The following STAG3 variants were observed in gnomAD, a reference collection of about 807,000 sequenced individuals.
STAG3 encodes the protein cohesin subunit SA-3.
A neutral mutation model predicts 160.7 loss-of-function variants in STAG3; 101 were observed. The ratio of observed to expected loss-of-function variants is 0.63; its 90% confidence interval spans 0.54 to 0.74. The LOEUF (loss-of-function observed/expected upper bound fraction) is 0.74, where lower values mean the gene tolerates loss of function less well. Ranked by LOEUF, STAG3 falls within the 30% of genes least tolerant of loss-of-function variation. The pLI is 0.00. For synonymous variants in STAG3, 519 were observed against 585.0 expected (o/e 0.89, Z 1.63); for missense variants, 1,188 against 1,517.4 (o/e 0.78, Z 3.61).
At chr7:100,216,576 A>C (rs929556941), downstream of STAG3, among the ~76,000 whole-genome samples, 1 of 152,072 alleles carries the variant, frequency 6.6e-6, no homozygotes, top group African/African-American at 2.4e-5. Context: ...CAAGGCGGGC[A>C]GATCACGAGG....
chr7:100,201,060 A>T, intron 19 of STAG3, 30 bp from the exon 20 acceptor site: 1 of 1,614,124 alleles, frequency 6.2e-7, no homozygotes, highest in Non-Finnish European at 8.5e-7. Flanking sequence ...TCTGGGGGAA[A>T]TGCTATTGTG....
chr7:100,185,117 C>T (rs1799911122), intron 4 of STAG3, among the ~76,000 whole-genome samples: 1 of 151,998 alleles, frequency 6.6e-6, no homozygotes, highest in African/African-American at 2.4e-5. Flanking sequence ...CGGCTCCCTG[C>T]TGGTTTGACC....
downstream of STAG3, among the ~76,000 whole-genome samples, chr7:100,215,697 T>C (rs2117627778): frequency 6.6e-6 from 1 of 152,272 alleles, no homozygotes; most frequent in African/African-American, 2.4e-5. Context: ...GGCAGCCCAG[T>C]GCACTGGGTT....
chr7:100,182,144 T>G lies in STAG3; in HGVS notation c.171T>G (p.Asn57Lys). 4 of 1,613,420 alleles carry G rather than the reference T, an allele frequency of 2.5e-6. No individual in the cohort carries two copies. Among genetic ancestry groups the G allele is most frequent in the Non-Finnish European group, 3.4e-6 (4 of 1,179,848 alleles). ...ACACTGACTTTGAAGACAGCTTGAA[T>G]CGCAATGTGAAGAAGAGAGCAGCAA... ...DEDTDFEDSLNRNVKKRAAKR... is the reference protein window; with the variant it reads ...DEDTDFEDSLKRNVKKRAAKR... The change falls in exon 3 of 34, where the codon AAT becomes AAG. Residue 57 changes from asparagine to lysine, a missense_variant. Physicochemically the swap from Asn to Lys is moderately conservative, Grantham distance 94. Transcript: ENST00000615138.
At chr7:100,184,526 G>A (rs1249081018) in intron 4 of STAG3, among the ~76,000 whole-genome samples, 2 of 132,048 alleles carry the variant, frequency 1.5e-5, no homozygotes, top group East Asian at 2.6e-4. Flanking sequence ...GGAGTGCAGT[G>A]ACGTGATCTT....
chr7:100,202,682 T>G, intron 25 of STAG3, 92 bp downstream of exon 25: 1 of 1,490,684 alleles, frequency 6.7e-7, no homozygotes, highest in Non-Finnish European at 9.0e-7. Context: ...GTGGGGGATA[T>G]CCAATGGTTT....
At chr7:100,198,658 A>G in intron 13 of STAG3, 76 bp downstream of exon 13, 2 of 1,425,772 alleles carry the variant, frequency 1.4e-6, no homozygotes, top group Admixed American at 3.5e-5. Flanking sequence ...TGCCCTACCT[A>G]AGGCTTCCCC....
At chr7:100,212,165 A>G (rs1436468345) in intron 32 of STAG3, 12 of 303,926 alleles carry the variant, frequency 3.9e-5, no homozygotes, top group Non-Finnish European at 7.4e-5. Flanking sequence ...AATTGGAAGG[A>G]GTCCTAATGC....
intron 4 of STAG3, among the ~76,000 whole-genome samples, chr7:100,184,250 A>G (rs1799831949): frequency 6.6e-6 from 1 of 151,322 alleles, no homozygotes; most frequent in East Asian, 1.9e-4. Context: ...TGGATGACAG[A>G]GTGAGACTCT....
At chr7:100,201,731 C>CT (rs1285599450) in intron 21 of STAG3, 55 bp from the exon 22 acceptor site, 2 of 1,480,510 alleles carry the variant, frequency 1.4e-6, no homozygotes, top group Non-Finnish European at 1.9e-6. Context: ...TTCTGGCTAT[C>CT]TGTCTCTCCC....
At chr7:100,179,246 T>C (rs1189222668) in intron 1 of STAG3, among the ~76,000 whole-genome samples, 2 of 151,118 alleles carry the variant, frequency 1.3e-5, no homozygotes, top group Non-Finnish European at 2.9e-5. Context: ...CCCTGGTGTG[T>C]ACCTTGCTTG....
chr7:100,188,773 G>A (rs1216846709), intron 6 of STAG3, 39 bp from the exon 7 acceptor site: 1 of 1,604,936 alleles, frequency 6.2e-7, no homozygotes, highest in South Asian at 1.1e-5. Flanking sequence ...CATGGACCTG[G>A]TAATAACTTT....
chr7:100,200,532 G>A lies in STAG3; in HGVS notation c.1850G>A (p.Arg617His), dbSNP rs753967260. ...CFDLHIYCTG[R>H]LEKHLELFLQ... is the part of the protein sequence containing the mutation. ...GACCTCCACATCTACTGCACTGGGC[G>A]CTTGGAGAAGGTAGGGAGATAGATT... Residue 617 changes from arginine to histidine, a missense_variant, in exon 18 of 34, where the codon CGC becomes CAC. This residue lies in a region of STAG3 where 240 missense variants were observed against 358.1 expected (regional missense o/e 0.67). Coordinates refer to ENST00000615138, the MANE Select transcript of STAG3 (RefSeq NM_001282717.2). The A allele has an allele frequency of 6.2e-7, 1 of 1,614,004 alleles. No individual in the cohort carries two copies. Among genetic ancestry groups the A allele is most frequent in the Non-Finnish European group, 8.5e-7 (1 of 1,180,026 alleles).
At chr7:100,185,533 T>G (rs1799937554) in intron 4 of STAG3, among the ~76,000 whole-genome samples, 1 of 135,222 alleles carries the variant, frequency 7.4e-6, no homozygotes, top group African/African-American at 2.8e-5. Flanking sequence ...ACGTGGGAGG[T>G]GGAGGTTGTA....
chr7:100,188,865 G>C lies in STAG3; in HGVS notation c.564G>C (p.Gln188His). The C allele has an allele frequency of 6.2e-7, 1 of 1,614,130 alleles. No individual in the cohort carries two copies. The highest frequency in any genetic ancestry group is 8.5e-7 in the Non-Finnish European group (1 of 1,180,018). Residue 188 changes from glutamine (Q) to histidine (H), a missense_variant, in exon 7 of 34, where the codon CAG (glutamine) becomes CAC (histidine). Physicochemically the swap from Gln to His is conservative, Grantham distance 24 (BLOSUM62 0). Transcript: ENST00000615138. The part of the protein sequence containing the change: ...IAPGPSWKKF[Q>H]GSFCEFVRTL... ...CAGGTCCATCCTGGAAGAAGTTCCA[G>C]GGCAGCTTCTGTGAATTTGTGAGGA...
At chr7:100,218,104 G>A (rs896565890), downstream of STAG3, 1 of 149,784 alleles carries the variant, frequency 6.7e-6, no homozygotes, top group African/African-American at 2.4e-5. Context: ...CTAAGTAACG[G>A]GTGCCTTCCC....
rs1209106992 is a variant in STAG3, at chr7:100,198,839, C to A, written c.1353-4C>A. 6.2e-7 allele frequency: 1 copy of A among 1,611,308 alleles called. No individual in the cohort carries two copies. The highest frequency in any genetic ancestry group is 8.5e-7 in the Non-Finnish European group (1 of 1,179,294). On this transcript the variant is annotated splice_region_variant and splice_polypyrimidine_tract_variant and intron_variant, in intron 13 of 33. Coordinates refer to ENST00000615138, the MANE Select transcript of STAG3 (RefSeq NM_001282717.2). ...GAGCCCTTTCCTCGTGTCCATTCCA[C>A]CAGACTCTTCTACCCTGAGTGCGAG...
At chr7:100,200,208 C>T in intron 16 of STAG3, 28 bp from the exon 17 acceptor site, 1 of 1,581,416 alleles carries the variant, frequency 6.3e-7, no homozygotes, top group Non-Finnish European at 8.6e-7. Flanking sequence ...TTTACACCTC[C>T]CCCACCCCCA....
In STAG3 at chr7:100,200,792, A is replaced by C; in HGVS notation, c.1884A>C (p.Gln628His). Residue 628 changes from glutamine to histidine, a missense_variant, in exon 19 of 34, where the codon CAA becomes CAC. This residue lies in a region of STAG3 where 240 missense variants were observed against 358.1 expected (regional missense o/e 0.67). Coordinates refer to ENST00000615138, the MANE Select transcript of STAG3 (RefSeq NM_001282717.2). ...LEKHLELFLQ[Q>H]LQEVVVKHAE... is the part of the protein sequence containing the mutation. ...AGCACCTGGAGCTGTTCCTGCAGCA[A>C]CTCCAGGAGGTGGTGGTGAAGCATG... 1.2e-6 allele frequency: 2 copies of C among 1,613,898 alleles called. No individual in the cohort carries two copies. The highest frequency in any genetic ancestry group is 1.1e-5 in the South Asian group (1 of 91,066).
Sources: allele counts gnomAD v4.1 joint callset (sites outside exome capture counted in the v4.1 genomes callset), GRCh38; gene constraint gnomAD v4.1.1; regional missense constraint gnomAD v4.1.1; transcripts MANE v1.5; gene names NCBI Gene and HGNC (gene_info 2026-07-23, HGNC 2026-07-21).